The following MAOA variants were observed in gnomAD, a reference collection of about 807,000 sequenced individuals.
MAOA encodes the protein amine oxidase [flavin-containing] A.
A neutral mutation model predicts 42.0 loss-of-function variants in MAOA; 6 were observed. The observed-to-expected ratio is 0.14, with a 90% confidence interval of 0.08 to 0.28. The LOEUF (loss-of-function observed/expected upper bound fraction) is 0.28, where lower values mean the gene tolerates loss of function less well. Among genes scored for constraint, MAOA ranks in the 10% least tolerant of loss-of-function variants. The pLI, the probability that MAOA is intolerant of heterozygous loss-of-function variation, is 1.00. For synonymous variants in MAOA, 140 were observed against 154.0 expected (o/e 0.91, Z 0.67); for missense variants, 262 against 422.3 (o/e 0.62, Z 3.33).
At chrX:43,665,068 G>A (rs147733321) in intron 1 of MAOA, among the ~76,000 whole-genome samples, 2 of 111,775 alleles carry the variant, frequency 1.8e-5, no homozygotes, top group African/African-American at 6.5e-5. Context: ...GAAAGAACTA[G>A]GCAGGTATAC....
intron 5 of MAOA, among the ~76,000 whole-genome samples, chrX:43,727,808 C>A (rs7061874): frequency 2.4e-3 from 269 of 112,103 alleles, no homozygotes; most frequent in African/African-American, 8.2e-3. Flanking sequence ...TTCGGCTTGC[C>A]CTCCATGAGC....
At chrX:43,697,817 A>G (rs2033592628) in intron 3 of MAOA, among the ~76,000 whole-genome samples, 1 of 111,931 alleles carries the variant, frequency 8.9e-6, no homozygotes, top group South Asian at 3.7e-4. Context: ...AGATGTTTTT[A>G]TGATTATCAG....
At chrX:43,734,197 T>C (rs902371050) in intron 9 of MAOA, among the ~76,000 whole-genome samples, 1 of 105,023 alleles carries the variant, frequency 9.5e-6, no homozygotes, top group Admixed American at 1.1e-4. Flanking sequence ...AGATAAATAG[T>C]ATAAAAGGAA....
At chrX:43,718,345 G>T (rs970661138) in intron 5 of MAOA, among the ~76,000 whole-genome samples, 6 of 99,747 alleles carry the variant, frequency 6.0e-5, no homozygotes, top group Admixed American at 2.2e-4. Flanking sequence ...TTCCAGTAAT[G>T]AGACACCTGG....
intron 2 of MAOA, among the ~76,000 whole-genome samples, chrX:43,692,968 G>A (rs970068966): frequency 8.9e-6 from 1 of 112,133 alleles, no homozygotes; most frequent in Non-Finnish European, 1.9e-5. Context: ...CCAGACAGAA[G>A]CTCACATAAT....
chrX:43,686,844 A>G (rs1181002151), intron 2 of MAOA, among the ~76,000 whole-genome samples: 1 of 112,040 alleles, frequency 8.9e-6, no homozygotes, highest in African/African-American at 3.2e-5. Flanking sequence ...TGAAAATTGT[A>G]TTTAATAAGA....
chrX:43,697,945 T>G (rs1465755474), intron 3 of MAOA, among the ~76,000 whole-genome samples: 1 of 112,314 alleles, frequency 8.9e-6, no homozygotes, highest in Non-Finnish European at 1.9e-5. Flanking sequence ...CTCTCACTGT[T>G]TTTCTCCACT....
intron 2 of MAOA, among the ~76,000 whole-genome samples, chrX:43,683,868 T>C (rs1167756308): frequency 9.0e-6 from 1 of 111,121 alleles, no homozygotes; most frequent in East Asian, 2.8e-4. Flanking sequence ...ATAATTTCCA[T>C]ACTAGAGACG....
chrX:43,693,803 A>G (rs530520504), intron 3 of MAOA, among the ~76,000 whole-genome samples: 1 of 109,365 alleles, frequency 9.1e-6, no homozygotes, highest in African/African-American at 3.4e-5. Flanking sequence ...ACACACACAC[A>G]CGCACACTCC....
At chrX:43,663,693 A>G (rs2033253908) in intron 1 of MAOA, among the ~76,000 whole-genome samples, 1 of 112,625 alleles carries the variant, frequency 8.9e-6, no homozygotes, top group African/African-American at 3.2e-5. Flanking sequence ...GCTCTAAAGC[A>G]TAGTGACTAC....
chrX:43,730,574 C>A lies in MAOA; in HGVS notation c.646-667C>A, dbSNP rs1371569864. Among the ~76,000 whole-genome samples the A allele has an allele frequency of 2.9e-5, 3 of 104,869 alleles. No individual in the cohort carries two copies. In the Admixed American group the frequency reaches 3.1e-4, roughly 11 times the overall value. The allele number at this position is 104,869 out of a possible 115,157, so 91.1% of individuals were successfully genotyped here. A position where few individuals can be genotyped will look rare whatever the true frequency, so the allele number is the denominator to read the frequency against. On this transcript the variant is annotated intron_variant, in intron 6 of 14. Transcript: ENST00000338702. ...TGGTGCAATCTCGGCTCACTGCAACCTCCGCCTCCTGGGTTCAAGTGGTTC... is the reference window on the plus strand; with the variant it reads ...TGGTGCAATCTCGGCTCACTGCAACATCCGCCTCCTGGGTTCAAGTGGTTC...
chrX:43,672,880 G>A (rs1404099370), intron 1 of MAOA, among the ~76,000 whole-genome samples: 1 of 111,733 alleles, frequency 8.9e-6, no homozygotes, highest in African/African-American at 3.3e-5. Flanking sequence ...TGTTCATCAA[G>A]GATATTGGTC....
At chrX:43,681,786 A>G (rs1158566364) in intron 1 of MAOA, among the ~76,000 whole-genome samples, 5 of 109,098 alleles carry the variant, frequency 4.6e-5, no homozygotes, top group Non-Finnish European at 9.6e-5. Context: ...GAGAAGTATA[A>G]AGTTAACTAG....
At chrX:43,671,269 A>T (rs1276874058) in intron 1 of MAOA, among the ~76,000 whole-genome samples, 1 of 104,534 alleles carries the variant, frequency 9.6e-6, no homozygotes, top group Admixed American at 1.0e-4. Context: ...CATGTCCTTC[A>T]CCCACTTTTT....
chrX:43,734,128 C>A (rs1297871928), intron 9 of MAOA, among the ~76,000 whole-genome samples: 1 of 77,564 alleles, frequency 1.3e-5, no homozygotes, highest in African/African-American at 5.5e-5. Context: ...TGTTTTTGGG[C>A]TTTCTTTTTT....
chrX:43,684,869 CTTTTCTT>C (rs1180955057), intron 2 of MAOA, among the ~76,000 whole-genome samples: 1 of 85,576 alleles, frequency 1.2e-5, no homozygotes, highest in East Asian at 3.7e-4. Flanking sequence ...CTTTTCTTTT[CTTTTCTT>C]TTTTTTTTTT....
intron 1 of MAOA, among the ~76,000 whole-genome samples, chrX:43,675,367 T>C (rs2033384925): frequency 8.9e-6 from 1 of 112,124 alleles, no homozygotes; most frequent in African/African-American, 3.2e-5. Context: ...AGTTTTTAAC[T>C]TCTTTGCCTT....
chrX:43,656,471 A>G lies in MAOA; in HGVS notation c.73+57A>G, dbSNP rs184351716. The G allele has an allele frequency of 3.2e-4, 328 of 1,019,032 alleles. No homozygotes were observed. In the African/African-American group the frequency reaches 5.7e-3, roughly 18 times the overall value. 84.0% of individuals were successfully genotyped at this position (1,019,032 alleles called of 1,213,427 possible). On this transcript the variant is annotated intron_variant, in intron 1 of 14. Coordinates refer to ENST00000338702, the MANE Select transcript of MAOA (RefSeq NM_000240.4). ...ACCCTGGCCAGTGAGGGGTAGGGGA[A>G]CCTACAGTAGCTCTTGTGGTGTTTG...
chrX:43,738,640 G>C (rs1350497388), intron 10 of MAOA, among the ~76,000 whole-genome samples: 1 of 110,557 alleles, frequency 9.0e-6, no homozygotes, highest in African/African-American at 3.3e-5. Context: ...GGGCAACATA[G>C]AGAAACCGTC....
Sources: gnomAD v4.1 joint callset for allele counts (sites outside exome capture counted in the v4.1 genomes callset) on GRCh38, gnomAD v4.1.1 for gene constraint, MANE v1.5 for transcripts, NCBI Gene and HGNC (gene_info 2026-07-23, HGNC 2026-07-21) for gene names.